The following UNC13B variants were observed in gnomAD, a reference collection of about 807,000 sequenced individuals.
UNC13B encodes the protein protein unc-13 homolog B.
A neutral mutation model predicts 211.0 loss-of-function variants in UNC13B; 144 were observed. The ratio of observed to expected loss-of-function variants is 0.68; its 90% CI spans 0.60 to 0.78. The LOEUF is 0.78. Ranked by LOEUF, UNC13B falls within the 30% of genes least tolerant of loss-of-function variation. The pLI, the probability that UNC13B is intolerant of heterozygous loss-of-function variation, is 0.00. For missense variants in UNC13B, 1,777 were observed against 2,002.0 expected (o/e 0.89, Z 2.14); for synonymous variants, 709 against 725.8 (o/e 0.98, Z 0.37).
At chr9:35,225,286 G>A (rs752486062) in intron 1 of UNC13B, among the ~76,000 whole-genome samples, 12 of 151,958 alleles carry the variant, frequency 7.9e-5, no homozygotes, top group Non-Finnish European at 1.8e-4. Flanking sequence ...CCAGCCCCCC[G>A]AGTAGCTAGG....
rs369654348 is a variant in UNC13B, at chr9:35,250,035, T to A, written c.468+6671T>A. On this transcript the variant is annotated intron_variant, in intron 6 of 39. Transcript: ENST00000635942. ...TCGGTGGCTTTCAGTATCTTCATAG[T>A]TGTGCCCTATGGATATCACCACAAC... Among the ~76,000 whole-genome samples, 115 of 152,320 alleles carry A rather than the reference T, an allele frequency of 7.5e-4. 1 individual carries two copies. The South Asian group carries it at 0.019, about 25-fold the overall frequency.
At chr9:35,323,302 A>G (rs1382951631) in intron 11 of UNC13B, among the ~76,000 whole-genome samples, 1 of 152,138 alleles carries the variant, frequency 6.6e-6, no homozygotes, top group Non-Finnish European at 1.5e-5. Flanking sequence ...AAATAGGGCT[A>G]CTGCTTTGTA....
intron 1 of UNC13B, among the ~76,000 whole-genome samples, chr9:35,188,482 C>G (rs1317839572): frequency 6.6e-6 from 1 of 152,084 alleles, no homozygotes; most frequent in Non-Finnish European, 1.5e-5. Context: ...TTAGTATTCA[C>G]CAAAATATAA....
Position 35,376,124 on chromosome 9 carries a change from A to G in UNC13B, c.9712A>G (p.Thr3238Ala), listed in dbSNP as rs779079946. 3.7e-6 allele frequency: 6 copies of G among 1,614,130 alleles called. No homozygotes were observed. The highest frequency in any genetic ancestry group is 5.1e-6 in the Non-Finnish European group (6 of 1,180,046). ...NFEVWTATTP[T>A]YCYECEGLLW... Reference sequence around the variant, plus strand: ...TGAGGTCTGGACGGCCACTACCCCAACCTACTGCTATGAGTGTGAAGGCCT... The same window carrying G: ...TGAGGTCTGGACGGCCACTACCCCAGCCTACTGCTATGAGTGTGAAGGCCT... Residue 3238 changes from threonine to alanine, a missense_variant, in exon 15 of 40, where the codon ACC (threonine) becomes GCC (alanine). Transcript: ENST00000635942.
intron 6 of UNC13B, among the ~76,000 whole-genome samples, chr9:35,256,260 C>A (rs1319450061): frequency 3.3e-5 from 5 of 152,196 alleles, no homozygotes; most frequent in African/African-American, 1.2e-4. Flanking sequence ...CAGGATATTG[C>A]ATTACACTTA....
intron 11 of UNC13B, among the ~76,000 whole-genome samples, chr9:35,317,164 A>G (rs1268193364): frequency 3.3e-5 from 5 of 152,148 alleles, no homozygotes; most frequent in African/African-American, 1.2e-4. Flanking sequence ...AAACACTGGG[A>G]GTCTGTTGAT....
Position 35,228,051 on chromosome 9 carries a change from C to G in UNC13B, c.52+7C>G, listed in dbSNP as rs1400017265. The G allele has an allele frequency of 6.2e-7, 1 of 1,610,372 alleles. No homozygotes were observed. The highest frequency in any genetic ancestry group is 8.5e-7 in the Non-Finnish European group (1 of 1,178,392). ...AAATTCCAGGGTTCACCAGGTAAGG[C>G]CAGCTTTCTATTATGTCTTTTCCTC... On this transcript the variant is annotated splice_region_variant and intron_variant, in intron 2 of 39. Transcript: ENST00000635942.
intron 11 of UNC13B, among the ~76,000 whole-genome samples, chr9:35,338,546 A>G (rs1831798842): frequency 6.6e-6 from 1 of 152,094 alleles, no homozygotes; most frequent in Non-Finnish European, 1.5e-5. Flanking sequence ...GCATCATTCT[A>G]CAGCGGGAAA....
chr9:35,223,530 A>AT (rs879521344), intron 1 of UNC13B, among the ~76,000 whole-genome samples: 79 of 144,410 alleles, frequency 5.5e-4, no homozygotes, highest in East Asian at 4.2e-3. Flanking sequence ...TTTTAATGGG[A>AT]TTTTTTTTTT....
intron 11 of UNC13B, among the ~76,000 whole-genome samples, chr9:35,363,163 T>C (rs1488774363): frequency 6.6e-6 from 1 of 152,076 alleles, no homozygotes; most frequent in African/African-American, 2.4e-5. Flanking sequence ...GGAGAGGAAT[T>C]TGGGGATTTG....
chr9:35,353,147 C>G, intron 11 of UNC13B: 1 of 1,232,108 alleles, frequency 8.1e-7, no homozygotes, highest in Non-Finnish European at 1.0e-6. Context: ...TGACATGGTT[C>G]ATATTGACCT....
chr9:35,185,593 T>C (rs144753274), intron 1 of UNC13B, among the ~76,000 whole-genome samples: 1 of 152,288 alleles, frequency 6.6e-6, no homozygotes, highest in East Asian at 1.9e-4. Context: ...CCCGCTAGTT[T>C]GCAGCTGTTA....
intron 11 of UNC13B, among the ~76,000 whole-genome samples, chr9:35,333,910 G>A (rs1387930437): frequency 1.3e-5 from 2 of 152,034 alleles, no homozygotes; most frequent in African/African-American, 4.8e-5. Context: ...ACTTGGGAAT[G>A]AAAAGTCAGG....
chr9:35,398,903 G>A lies in UNC13B; in HGVS notation c.11943G>A (p.Glu3981=). 6.2e-7 allele frequency: 1 copy of A among 1,614,082 alleles called. No individual in the cohort carries two copies. The part of the protein sequence containing the change: ...FGNSFQVRID[E]CVRQMADILG... ...GTAGTTTCCAGGTACGGATTGATGA[G>A]TGTGTTCGACAAATGGCCGACATCC... Residue 3981 remains glutamate (E), a synonymous_variant, in exon 33 of 40, where the codon GAG becomes GAA. Transcript: ENST00000635942.
Position 35,351,428 on chromosome 9 carries a change from A to C in UNC13B, c.9415-15519A>C, listed in dbSNP as rs551938836. On this transcript the variant is annotated intron_variant, in intron 11 of 39. Coordinates refer to ENST00000635942, the MANE Select transcript of UNC13B (RefSeq NM_001371189.2). ...TAATTGCTAGAAACAAACTGAAAAG[A>C]GCAGGACAGGCTGTTGCCTTCCAAG... 127 of 1,230,920 alleles carry C rather than the reference A, an allele frequency of 1.0e-4. No homozygotes were observed. In the African/African-American group the frequency reaches 1.8e-3, roughly 17 times the overall value. The allele number at this position is 1,230,920 out of a possible 1,614,324, so 76.2% of individuals were successfully genotyped here. A position where few individuals can be genotyped will look rare whatever the true frequency, so the allele number is the denominator to read the frequency against.
At chr9:35,316,366 A>G (rs1206530743) in intron 11 of UNC13B, among the ~76,000 whole-genome samples, 2 of 152,196 alleles carry the variant, frequency 1.3e-5, no homozygotes, top group Admixed American at 6.5e-5. Flanking sequence ...TTGGTGCTCA[A>G]ATCGTTCTGG....
At chr9:35,402,671 A>G (rs952026929) in intron 37 of UNC13B, among the ~76,000 whole-genome samples, 2 of 151,968 alleles carry the variant, frequency 1.3e-5, no homozygotes, top group African/African-American at 4.8e-5. Context: ...AGTTCATTCT[A>G]TAGAGGGGCC....
At chr9:35,221,147 C>A (rs943141916) in intron 1 of UNC13B, among the ~76,000 whole-genome samples, 1 of 152,100 alleles carries the variant, frequency 6.6e-6, no homozygotes, top group Non-Finnish European at 1.5e-5. Flanking sequence ...CAGCTCACTG[C>A]GAACTCTGCC....
intron 3 of UNC13B, among the ~76,000 whole-genome samples, chr9:35,232,943 G>T (rs963026559): frequency 6.6e-6 from 1 of 152,162 alleles, no homozygotes; most frequent in Non-Finnish European, 1.5e-5. Context: ...AGAGCCAGGA[G>T]ATAATGGTGT....
Sources: allele counts gnomAD v4.1 joint callset (sites outside exome capture counted in the v4.1 genomes callset), GRCh38; gene constraint gnomAD v4.1.1; transcripts MANE v1.5; gene names NCBI Gene and HGNC (gene_info 2026-07-23, HGNC 2026-07-21).